Variants in LARGE1 observed in about 807,000 individuals in gnomAD.
LARGE1 encodes xylosyl- and glucuronyltransferase LARGE1.
LARGE1 carries 43 observed loss-of-function variants against 87.6 expected under a neutral mutation model. That is an observed-to-expected ratio of 0.49 (90% CI 0.38 to 0.63). The LOEUF is 0.63. Among genes scored for constraint, LARGE1 ranks in the 30% least tolerant of loss-of-function variants. The pLI, the probability that LARGE1 is intolerant of heterozygous loss-of-function variation, is 0.00. For missense variants in LARGE1, 802 were observed against 1,000.2 expected, an observed-to-expected ratio of 0.80 and a Z score of 2.67; for synonymous variants, 434 against 394.6, an observed-to-expected ratio of 1.10 and a Z score of -1.18.
chr22:33,432,491 A>C (rs1347986420), intron 6 of LARGE1, among the ~76,000 whole-genome samples: 3 of 152,344 alleles, frequency 2.0e-5, no homozygotes, highest in African/African-American at 7.2e-5. Context: ...ATAGAGAAGA[A>C]ATAGAGGCCC....
intron 4 of LARGE1, among the ~76,000 whole-genome samples, chr22:33,609,032 C>G (rs1430486666): frequency 6.6e-6 from 1 of 152,110 alleles, no homozygotes; most frequent in South Asian, 2.1e-4. Flanking sequence ...ACTTTTGCAT[C>G]GCGTTTTTGA....
intron 2 of LARGE1, among the ~76,000 whole-genome samples, chr22:33,651,961 C>A (rs1272227019): frequency 6.6e-6 from 1 of 152,106 alleles, no homozygotes; most frequent in Admixed American, 6.5e-5. Context: ...ATCACGAGGT[C>A]AGGAGATCGA....
intron 2 of LARGE1, among the ~76,000 whole-genome samples, chr22:33,752,205 G>C (rs981700287): frequency 7.9e-5 from 12 of 152,024 alleles, no homozygotes; most frequent in African/African-American, 2.9e-4. Context: ...ATTTCTCTTG[G>C]GTGTATTGCT....
intron 5 of LARGE1, among the ~76,000 whole-genome samples, chr22:33,580,399 G>A (rs2078481871): frequency 6.6e-6 from 1 of 151,428 alleles, no homozygotes; most frequent in South Asian, 2.1e-4. Context: ...GCAGACACAA[G>A]GCCACCTATT....
intron 7 of LARGE1, among the ~76,000 whole-genome samples, chr22:33,387,426 CAAA>C (rs758366490): frequency 4.4e-5 from 3 of 67,472 alleles, no homozygotes; most frequent in Admixed American, 1.6e-4. Context: ...GACTCTGTCT[CAAA>C]AAAAAAAAAA....
chr22:33,701,548 C>A (rs906735310), intron 2 of LARGE1, among the ~76,000 whole-genome samples: 1 of 152,220 alleles, frequency 6.6e-6, no homozygotes, highest in Non-Finnish European at 1.5e-5. Flanking sequence ...GCTTTACCAT[C>A]CTCAGCTCTA....
intron 3 of LARGE1, among the ~76,000 whole-genome samples, chr22:33,648,086 A>G (rs528552420): frequency 1.6e-4 from 24 of 152,284 alleles, no homozygotes; most frequent in African/African-American, 3.4e-4. Context: ...ACAGTTTGCA[A>G]ATGAGGAAAC....
intron 7 of LARGE1, among the ~76,000 whole-genome samples, chr22:33,416,890 A>C (rs2066511358): frequency 7.5e-6 from 1 of 133,842 alleles, no homozygotes; most frequent in Admixed American, 7.6e-5. Flanking sequence ...TACAGGTGTG[A>C]GGCACCACGC....
At position 33,331,311 on chromosome 22, in the gene LARGE1, T is replaced by G. The variant is rs531194712; in HGVS notation, c.1287+6335A>C. On this transcript the variant is annotated intron_variant, in intron 10 of 14. Transcript: ENST00000397394. ...ATTACCAGAGAGCTCATACTCTTGT[T>G]GTCATTATCAATTTCCCAGTGAAAA... Among the ~76,000 whole-genome samples, 10 of 152,322 alleles carry G rather than the reference T, an allele frequency of 6.6e-5. No homozygotes were observed. The South Asian group carries it at 1.9e-3, about 28-fold the overall frequency.
At chr22:33,626,464 T>G (rs2079926237) in intron 3 of LARGE1, 138 bp from the exon 4 acceptor site, 1 of 704,634 alleles carries the variant, frequency 1.4e-6, no homozygotes, top group South Asian at 1.5e-5. Context: ...TGTCTGCAGC[T>G]GTGGAAAATA....
intron 6 of LARGE1, among the ~76,000 whole-genome samples, chr22:33,472,389 T>A (rs1462446172): frequency 6.6e-6 from 1 of 152,158 alleles, no homozygotes; most frequent in East Asian, 1.9e-4. Flanking sequence ...GATCTTACTG[T>A]TGCTTACCTC....
chr22:33,315,423 A>G (rs1014799985), intron 11 of LARGE1, among the ~76,000 whole-genome samples: 3 of 152,148 alleles, frequency 2.0e-5, no homozygotes, highest in Non-Finnish European at 2.9e-5. Flanking sequence ...ATACACATAG[A>G]AGGAAAAGAA....
At chr22:33,834,902 G>A (rs963035919) in intron 1 of LARGE1, among the ~76,000 whole-genome samples, 17 of 152,192 alleles carry the variant, frequency 1.1e-4, no homozygotes, top group Non-Finnish European at 2.4e-4. Flanking sequence ...GAGCCCCAAG[G>A]AAAAGTTTCT....
intron 9 of LARGE1, among the ~76,000 whole-genome samples, chr22:33,362,810 G>C (rs2064435668): frequency 6.7e-6 from 1 of 149,930 alleles, no homozygotes; most frequent in Admixed American, 6.6e-5. Context: ...TGTTAGGTGT[G>C]GGTGAGACTA....
At chr22:33,720,842 G>C (rs561396053) in intron 2 of LARGE1, among the ~76,000 whole-genome samples, 4 of 152,208 alleles carry the variant, frequency 2.6e-5, no homozygotes, top group Admixed American at 6.5e-5. Context: ...TGTCACGGCA[G>C]AGATGATTCC....
At chr22:33,256,425 C>T (rs956889930) in intron 11 of LARGE1, among the ~76,000 whole-genome samples, 1 of 152,240 alleles carries the variant, frequency 6.6e-6, no homozygotes, top group Admixed American at 6.5e-5. Context: ...CACTAATTCA[C>T]TGTAATCCTG....
intron 2 of LARGE1, among the ~76,000 whole-genome samples, chr22:33,659,744 T>TTAAA (rs374435141): frequency 2.5e-5 from 3 of 122,080 alleles, no homozygotes; most frequent in Non-Finnish European, 5.0e-5. Context: ...GAAGAACAGT[T>TTAAA]AAAAAAAAAA....
intron 10 of LARGE1, among the ~76,000 whole-genome samples, chr22:33,332,496 A>C (rs8139132): frequency 6.6e-6 from 1 of 152,076 alleles, no homozygotes; most frequent in African/African-American, 2.4e-5. Flanking sequence ...AGTGGATGAA[A>C]GGAGTCTTAA....
At chr22:33,840,191 T>C (rs2063236430) in intron 1 of LARGE1, among the ~76,000 whole-genome samples, 1 of 152,190 alleles carries the variant, frequency 6.6e-6, no homozygotes, top group African/African-American at 2.4e-5. Context: ...TTTAATAATA[T>C]ATGCAAAGCA....
Sources: gnomAD v4.1 joint callset for allele counts (sites outside exome capture counted in the v4.1 genomes callset) on GRCh38, gnomAD v4.1.1 for gene constraint, MANE v1.5 for transcripts, NCBI Gene and HGNC (gene_info 2026-07-23, HGNC 2026-07-21) for gene names.